Variants in CLEC16A observed in about 807,000 individuals in gnomAD.
CLEC16A encodes protein CLEC16A.
CLEC16A carries 51 observed loss-of-function variants against 109.5 expected under a neutral mutation model. The ratio of observed to expected loss-of-function variants is 0.47; its 90% confidence interval spans 0.37 to 0.59. The LOEUF is 0.59. Among genes scored for constraint, CLEC16A ranks in the 20% least tolerant of loss-of-function variants. The probability of loss-of-function intolerance (pLI) is 0.00; values close to 1 mark genes in which losing one functional copy is unlikely to be tolerated. For synonymous variants in CLEC16A, 673 were observed against 564.2 expected, an observed-to-expected ratio of 1.19 and a Z score of -2.73; for missense variants, 1,339 against 1,394.0, an observed-to-expected ratio of 0.96 and a Z score of 0.63.
In CLEC16A at chr16:11,006,108, A is replaced by C. The variant is rs1406277473; in HGVS notation, c.1303+2803A>C. 2.6e-5 allele frequency among the ~76,000 whole-genome samples: 4 copies of C among 152,114 alleles called. No individual in the cohort carries two copies. In the East Asian group the frequency reaches 7.7e-4, roughly 29 times the overall value. On this transcript the variant is annotated intron_variant, in intron 11 of 23. Coordinates refer to ENST00000409790, the MANE Select transcript of CLEC16A (RefSeq NM_015226.3). Reference sequence around the variant, plus strand: ...CAGGGCTGGGCCCAGGTGCGCTCACATCGTCCCAGCTTGGCCAGCAAGTGG... The same window carrying C: ...CAGGGCTGGGCCCAGGTGCGCTCACCTCGTCCCAGCTTGGCCAGCAAGTGG...
At chr16:11,096,177 T>TAA (rs34361002) in intron 19 of CLEC16A, among the ~76,000 whole-genome samples, 73,864 of 148,454 alleles carry the variant, frequency 0.5, 18,820 homozygotes, top group African/African-American at 0.65. Flanking sequence ...ACCCCATCTC[T>TAA]AAAAAAAAAA....
rs544765953 is a variant in CLEC16A, at chr16:11,130,726, G to A, written c.2641+4580G>A. Among the ~76,000 whole-genome samples, 35 of 152,280 alleles carry A rather than the reference G, an allele frequency of 2.3e-4. No individual in the cohort carries two copies. The South Asian group carries it at 4.6e-3, about 20-fold the overall frequency. ...ACAATGGTGCCCCTCCCCATAGGCC[G>A]CACAGCGCATGGAGTCCTTGCTTCT... On this transcript the variant is annotated intron_variant, in intron 22 of 23. Transcript: ENST00000409790.
At chr16:11,157,151 A>G (rs1260653766) in intron 22 of CLEC16A, 1 of 1,271,130 alleles carries the variant, frequency 7.9e-7, no homozygotes. Flanking sequence ...AGACTCTGCA[A>G]GTTCCCAGCT....
chr16:10,998,723 C>A (rs767962464), intron 10 of CLEC16A, among the ~76,000 whole-genome samples: 12 of 152,138 alleles, frequency 7.9e-5, no homozygotes, highest in Non-Finnish European at 1.3e-4. Context: ...TACAAACATT[C>A]ATTCCTACAG....
chr16:10,988,333 G>C (rs2043795949), intron 10 of CLEC16A, among the ~76,000 whole-genome samples: 1 of 151,966 alleles, frequency 6.6e-6, no homozygotes, highest in South Asian at 2.1e-4. Context: ...TTGTGTACTT[G>C]TGCTGAGAGA....
At chr16:11,009,953 A>G (rs1332250932) in intron 11 of CLEC16A, among the ~76,000 whole-genome samples, 1 of 152,154 alleles carries the variant, frequency 6.6e-6, no homozygotes, top group Non-Finnish European at 1.5e-5. Flanking sequence ...CAGAAGTTCA[A>G]GACCAGCCAG....
intron 13 of CLEC16A, chr16:11,036,141 C>T (rs561136113): frequency 3.7e-4 from 56 of 152,612 alleles, no homozygotes; most frequent in African/African-American, 1.3e-3. Context: ...TTGGAACAGT[C>T]AGGGGAATGG....
chr16:11,045,445 T>C (rs886478305), intron 16 of CLEC16A, among the ~76,000 whole-genome samples: 1 of 152,166 alleles, frequency 6.6e-6, no homozygotes, highest in Non-Finnish European at 1.5e-5. Context: ...CACTTTCTCA[T>C]AGATGGCACC....
Position 10,944,938 on chromosome 16 carries a change from C to T in CLEC16A, c.80+141C>T, listed in dbSNP as rs568438724. On this transcript the variant is annotated intron_variant, in intron 1 of 23. Transcript: ENST00000409790. Reference sequence around the variant, plus strand: ...CCCGTGTGGTGGTTAAGAGCGAGGGCTCGGGAGTCAGGGCGCCTGGGTTCG... The same window carrying T: ...CCCGTGTGGTGGTTAAGAGCGAGGGTTCGGGAGTCAGGGCGCCTGGGTTCG... The T allele has an allele frequency of 4.7e-5, 37 of 780,800 alleles. No homozygotes were observed. In the African/African-American group the frequency reaches 5.0e-4, roughly 10 times the overall value. 48.4% of individuals were successfully genotyped at this position (780,800 alleles called of 1,614,324 possible). A position where few individuals can be genotyped will look rare whatever the true frequency, so the allele number is the denominator to read the frequency against.
intron 14 of CLEC16A, chr16:11,040,952 C>G (rs2152851778): frequency 6.6e-6 from 1 of 152,300 alleles, no homozygotes; most frequent in Non-Finnish European, 1.5e-5. Context: ...ATCGTGGTCT[C>G]TGATGTTTCC....
At chr16:11,114,128 CGTGTGT>C (rs3030600) in intron 19 of CLEC16A, among the ~76,000 whole-genome samples, 17,082 of 127,082 alleles carry the variant, frequency 0.13, 1,035 homozygotes, top group South Asian at 0.17. Flanking sequence ...TGAGGATGGC[CGTGTGT>C]GTGTGTGTGT....
intron 22 of CLEC16A, among the ~76,000 whole-genome samples, chr16:11,129,920 G>A (rs181568786): frequency 4.4e-4 from 67 of 152,070 alleles, no homozygotes; most frequent in Middle Eastern, 3.4e-3. Flanking sequence ...CCACCACCAC[G>A]CCCGGTTAAT....
intron 10 of CLEC16A, among the ~76,000 whole-genome samples, chr16:10,995,462 C>G (rs2044271378): frequency 6.6e-6 from 1 of 152,238 alleles, no homozygotes; most frequent in Non-Finnish European, 1.5e-5. Context: ...ACTAACAAAG[C>G]AGAAGGCCAG....
chr16:10,986,532 C>A (rs2043667679), intron 10 of CLEC16A, among the ~76,000 whole-genome samples: 1 of 152,164 alleles, frequency 6.6e-6, no homozygotes, highest in South Asian at 2.1e-4. Flanking sequence ...ACTTCATACC[C>A]ACTGGACAAC....
rs2068957693 is a variant in CLEC16A, at chr16:11,181,495, G to A, written c.*2805G>A. 6.6e-6 allele frequency: 1 copy of A among 152,364 alleles called. No individual in the cohort carries two copies. The highest frequency in any genetic ancestry group is 1.5e-5 in the Non-Finnish European group (1 of 68,142). The allele number at this position is 152,364 out of a possible 1,614,324, so 9.4% of individuals were successfully genotyped here. On this transcript the variant is annotated 3_prime_UTR_variant, in exon 24 of 24. Coordinates refer to ENST00000409790, the MANE Select transcript of CLEC16A (RefSeq NM_015226.3). ...GTGCACCTCCGGCTGGGTTTGCCAA[G>A]TCAGGGAGCAGGGCTGGCCGCAGGA... is the stretch of plus-strand genomic sequence containing the variant.
In CLEC16A at chr16:11,123,755, C is replaced by G. The variant is rs1597463966; in HGVS notation, c.2282C>G (p.Thr761Ser). ...FAGLLQDMQV[T>S]GVEDDSRALN... The stretch of plus-strand genomic sequence containing the variant: ...CTCACTGTGCAGGACATGCAGGTGA[C>G]TGGCGTGGAGGACGACAGCCGTGCC... The change falls in exon 21 of 24, where the codon ACT becomes AGT. Residue 761 changes from threonine (T) to serine (S), a missense_variant. Around this residue, in one of 3 missense-constraint regions of CLEC16A, gnomAD observed 1,061 missense variants for 1,006.8 expected, o/e 1.05. Transcript: ENST00000409790. 6.2e-7 allele frequency: 1 copy of G among 1,614,076 alleles called. No homozygotes were observed. Among genetic ancestry groups the G allele is most frequent in the Non-Finnish European group, 8.5e-7 (1 of 1,179,898 alleles).
At chr16:11,059,641 A>G (rs1263084248) in intron 18 of CLEC16A, among the ~76,000 whole-genome samples, 1 of 152,138 alleles carries the variant, frequency 6.6e-6, no homozygotes, top group Non-Finnish European at 1.5e-5. Context: ...CTAGGTCCAG[A>G]CTGCAGCCTT....
intron 13 of CLEC16A, among the ~76,000 whole-genome samples, chr16:11,029,155 G>A (rs1356233863): frequency 3.3e-5 from 5 of 152,142 alleles, no homozygotes; most frequent in Non-Finnish European, 7.3e-5. Flanking sequence ...AGCTCTGTGA[G>A]AGCTGGTCCA....
intron 10 of CLEC16A, among the ~76,000 whole-genome samples, chr16:10,992,976 T>C (rs1237927136): frequency 6.6e-6 from 1 of 151,624 alleles, no homozygotes; most frequent in East Asian, 1.9e-4. Flanking sequence ...GGCCAAAACA[T>C]GAGAAATGGT....
Sources: allele counts gnomAD v4.1 joint callset (sites outside exome capture counted in the v4.1 genomes callset), GRCh38; gene constraint gnomAD v4.1.1; regional missense constraint gnomAD v4.1.1; transcripts MANE v1.5; gene names NCBI Gene and HGNC (gene_info 2026-07-23, HGNC 2026-07-21).